Variants in STXBP4 observed in about 807,000 individuals in gnomAD.
STXBP4 encodes the protein syntaxin binding protein 4, also known as syntaxin-binding protein 4.
A neutral mutation model predicts 76.1 loss-of-function variants in STXBP4; 55 were observed. The ratio of observed to expected loss-of-function variants is 0.72; its 90% CI spans 0.58 to 0.91. The LOEUF is 0.91. Among genes scored for constraint, STXBP4 ranks in the 40% least tolerant of loss-of-function variants. The probability of loss-of-function intolerance (pLI) is 0.00; values close to 1 mark genes in which losing one functional copy is unlikely to be tolerated. For synonymous variants in STXBP4, 201 were observed against 220.2 expected, an observed-to-expected ratio of 0.91 and a Z score of 0.77; for missense variants, 618 against 636.9, an observed-to-expected ratio of 0.97 and a Z score of 0.32.
At chr17:55,185,266 T>C in the STXBP4 span, among the ~76,000 whole-genome samples, 60 of 53,066 alleles carry the variant, frequency 1.1e-3, no homozygotes, top group African/African-American at 4.9e-3. Context: ...TCCTTCTCCT[T>C]CTCCTTCTCC....
intron 11 of STXBP4, chr17:55,043,796 A>G (rs2078744446): frequency 1.6e-6 from 1 of 630,576 alleles, no homozygotes; most frequent in Non-Finnish European, 2.6e-6. Flanking sequence ...TATCCCAAAT[A>G]TACTGTAACA....
chr17:55,127,855 A>G (rs1385841033), intron 16 of STXBP4, among the ~76,000 whole-genome samples: 1 of 152,206 alleles, frequency 6.6e-6, no homozygotes, highest in East Asian at 1.9e-4. Flanking sequence ...TAAAGGACAA[A>G]GATAATAACA....
the STXBP4 span, among the ~76,000 whole-genome samples, chr17:55,184,904 G>A: frequency 3.3e-5 from 5 of 152,058 alleles, no homozygotes; most frequent in African/African-American, 7.2e-5. Flanking sequence ...ATGGGGTCTC[G>A]CTCTGTCACC....
At chr17:55,043,197 C>T in intron 10 of STXBP4, 39 bp from the exon 11 acceptor site, 1 of 1,087,470 alleles carries the variant, frequency 9.2e-7, no homozygotes, top group Non-Finnish European at 1.3e-6. Flanking sequence ...TAATTAGCAT[C>T]TAATGCACAA....
chr17:55,021,819 T>C (rs1217802831), intron 8 of STXBP4, among the ~76,000 whole-genome samples: 4 of 152,212 alleles, frequency 2.6e-5, no homozygotes, highest in African/African-American at 9.6e-5. Flanking sequence ...TGAGGATTTC[T>C]TAAAAATTTA....
chr17:54,986,253 A>G lies in STXBP4; in HGVS notation c.34A>G (p.Ser12Gly). The G allele has an allele frequency of 1.3e-6, 2 of 1,598,178 alleles. No individual in the cohort carries two copies. The highest frequency in any genetic ancestry group is 1.7e-6 in the Non-Finnish European group (2 of 1,172,650). Reference sequence around the variant, plus strand: ...AAATACATCTACTGTAGTATCACCCAGTCTACTTGAAAAGTAATTTTTAAG... The same window carrying G: ...AAATACATCTACTGTAGTATCACCCGGTCTACTTGAAAAGTAATTTTTAAG... ...NKNTSTVVSP[S>G]LLEKDPAFQM... Residue 12 changes from serine (S) to glycine (G), a missense_variant, in exon 3 of 18, where the codon AGT becomes GGT. Coordinates refer to ENST00000376352, the MANE Select transcript of STXBP4 (RefSeq NM_178509.6).
chr17:55,134,418 T>TAA (rs11311166), intron 16 of STXBP4, among the ~76,000 whole-genome samples: 1 of 151,648 alleles, frequency 6.6e-6, no homozygotes, highest in African/African-American at 2.4e-5. Flanking sequence ...ACAGTAGATG[T>TAA]AAAAAAAATG....
intron 8 of STXBP4, among the ~76,000 whole-genome samples, chr17:55,027,229 C>T (rs933214228): frequency 1.3e-5 from 2 of 152,194 alleles, no homozygotes; most frequent in African/African-American, 4.8e-5. Context: ...AGTCAGAGCA[C>T]GGACTTGCCT....
At chr17:55,036,812 C>T (rs561831747) in intron 10 of STXBP4, among the ~76,000 whole-genome samples, 159 of 152,034 alleles carry the variant, frequency 1.0e-3, no homozygotes, top group African/African-American at 3.7e-3. Flanking sequence ...ATATTTAGAG[C>T]TCTACTGTTT....
At chr17:55,097,793 T>C (rs2079510621) in intron 16 of STXBP4, among the ~76,000 whole-genome samples, 1 of 152,200 alleles carries the variant, frequency 6.6e-6, no homozygotes, top group African/African-American at 2.4e-5. Context: ...GAAAAGATCA[T>C]ACGCTATAAG....
intron 8 of STXBP4, among the ~76,000 whole-genome samples, chr17:55,017,954 A>G (rs891309261): frequency 6.6e-6 from 1 of 152,168 alleles, no homozygotes; most frequent in Non-Finnish European, 1.5e-5. Context: ...AAGTGGTCCA[A>G]TATTACTCAC....
intron 12 of STXBP4, among the ~76,000 whole-genome samples, chr17:55,051,910 C>CT (rs2078864745): frequency 6.6e-6 from 1 of 151,876 alleles, no homozygotes; most frequent in Non-Finnish European, 1.5e-5. Context: ...ACAGATGTTC[C>CT]TCAACACAAT....
At chr17:55,180,232 G>T in the STXBP4 span, among the ~76,000 whole-genome samples, 1 of 152,162 alleles carries the variant, frequency 6.6e-6, no homozygotes, top group African/African-American at 2.4e-5. Flanking sequence ...GTAAATGTGA[G>T]CTTTCTTCCA....
intron 12 of STXBP4, among the ~76,000 whole-genome samples, chr17:55,058,147 T>C (rs1023239219): frequency 1.3e-5 from 2 of 152,188 alleles, no homozygotes; most frequent in Admixed American, 6.5e-5. Flanking sequence ...TCCACAATGG[T>C]TGAACTAATT....
chr17:55,023,146 C>G (rs374278281), intron 8 of STXBP4, among the ~76,000 whole-genome samples: 2 of 152,146 alleles, frequency 1.3e-5, no homozygotes, highest in Admixed American at 6.6e-5. Context: ...ATTCTGGGAG[C>G]GGGTCCGTAG....
At chr17:55,070,122 A>G (rs1567747569) in intron 12 of STXBP4, among the ~76,000 whole-genome samples, 1 of 152,192 alleles carries the variant, frequency 6.6e-6, no homozygotes, top group Non-Finnish European at 1.5e-5. Context: ...GTAGCCAAGA[A>G]CATGAACTTT....
Position 55,157,920 on chromosome 17 carries a change from T to G in STXBP4, c.1548-1877T>G, listed in dbSNP as rs111706627. ...CCTGTGTTTGTTAACGGAGATATGT[T>G]ACTTTGAGTAATATTACATAGTCTT... On this transcript the variant is annotated intron_variant, in intron 17 of 17. Transcript: ENST00000376352. Among the ~76,000 whole-genome samples the G allele has an allele frequency of 4.5e-3, 679 of 152,352 alleles. 5 individuals carry two copies. The highest frequency in any genetic ancestry group is 0.015 in the African/African-American group (625 of 41,582).
intron 17 of STXBP4, among the ~76,000 whole-genome samples, chr17:55,144,582 C>T (rs532318515): frequency 6.6e-6 from 1 of 152,248 alleles, no homozygotes; most frequent in South Asian, 2.1e-4. Context: ...ATTCTCTTTG[C>T]CCACTCTCCA....
At chr17:55,206,584 C>T in the STXBP4 span, among the ~76,000 whole-genome samples, 1 of 151,898 alleles carries the variant, frequency 6.6e-6, no homozygotes, top group African/African-American at 2.4e-5. Context: ...CAGCTGAGTA[C>T]GGTGGCTCAT....
Sources: allele counts gnomAD v4.1 joint callset (sites outside exome capture counted in the v4.1 genomes callset), GRCh38; gene constraint gnomAD v4.1.1; transcripts MANE v1.5; gene names NCBI Gene and HGNC (gene_info 2026-07-23, HGNC 2026-07-21).